SLC25A33: variants seen among roughly 807,000 people sequenced by gnomAD.
SLC25A33 encodes solute carrier family 25 member 33.
SLC25A33 carries 15 observed loss-of-function variants against 35.5 expected under a neutral mutation model. The ratio of observed to expected loss-of-function variants is 0.42; its 90% CI spans 0.28 to 0.65. SLC25A33 has a LOEUF of 0.65. SLC25A33 is among the 30% of genes least tolerant of loss of function. The pLI is 0.20. For synonymous variants in SLC25A33, 136 were observed against 148.7 expected, an observed-to-expected ratio of 0.91 and a Z score of 0.62; for missense variants, 257 against 398.5, an observed-to-expected ratio of 0.64 and a Z score of 3.02.
Position 9,578,153 on chromosome 1 carries a change from C to T in SLC25A33, c.483-1801C>T, listed in dbSNP as rs1195662093. Among the ~76,000 whole-genome samples the T allele has an allele frequency of 6.6e-6, 1 of 152,140 alleles. No individual in the cohort carries two copies. Among genetic ancestry groups the T allele is most frequent in the Non-Finnish European group, 1.5e-5 (1 of 68,038 alleles). On this transcript the variant is annotated intron_variant, in intron 5 of 6. Coordinates refer to ENST00000302692, the MANE Select transcript of SLC25A33 (RefSeq NM_032315.3). This position sits in a 1 kb window ranked among gnomAD's most constrained non-coding sequence, Gnocchi z 4.3. ...CAGGATGGTCTCGATCTCCTGACCTCGTGATCTGCCCACCTCAGCCTCCCA... is the reference window on the plus strand; with the variant it reads ...CAGGATGGTCTCGATCTCCTGACCTTGTGATCTGCCCACCTCAGCCTCCCA...
At chr1:9,569,403 A>G (rs1226238927) in intron 3 of SLC25A33, among the ~76,000 whole-genome samples, 1 of 152,184 alleles carries the variant, frequency 6.6e-6, no homozygotes, top group East Asian at 1.9e-4. Context: ...TTATTCATAG[A>G]TGGGAAACCT....
intron 2 of SLC25A33, among the ~76,000 whole-genome samples, chr1:9,563,840 A>G (rs1643460510): frequency 6.6e-6 from 1 of 151,740 alleles, no homozygotes; most frequent in Non-Finnish European, 1.5e-5. Flanking sequence ...TTGTATTTTT[A>G]GTAGAGACGG....
At chr1:9,543,780 T>C (rs1486206737) in intron 1 of SLC25A33, among the ~76,000 whole-genome samples, 1 of 152,194 alleles carries the variant, frequency 6.6e-6, no homozygotes, top group Non-Finnish European at 1.5e-5. Flanking sequence ...GCCTTTAAAA[T>C]GTATTTTAAT....
chr1:9,579,830 A>G lies in SLC25A33; in HGVS notation c.483-124A>G, dbSNP rs951846524. On this transcript the variant is annotated intron_variant, in intron 5 of 6. Coordinates refer to ENST00000302692, the MANE Select transcript of SLC25A33 (RefSeq NM_032315.3). ...ACGAAAGACAAGGGCTATGAGAGTTAGGAGCCAGGAAACAAGTATCCTAAC... is the reference window on the plus strand; with the variant it reads ...ACGAAAGACAAGGGCTATGAGAGTTGGGAGCCAGGAAACAAGTATCCTAAC... The G allele has an allele frequency of 7.9e-6, 9 of 1,141,896 alleles. No homozygotes were observed. The African/African-American group carries it at 1.1e-4, about 14-fold the overall frequency. The allele number at this position is 1,141,896 out of a possible 1,614,324, so 70.7% of individuals were successfully genotyped here.
chr1:9,575,823 CT>C (rs1299888888), intron 5 of SLC25A33, among the ~76,000 whole-genome samples: 1 of 152,220 alleles, frequency 6.6e-6, no homozygotes, highest in Non-Finnish European at 1.5e-5. Flanking sequence ...TGTTCAGACT[CT>C]TTTGATGAAT....
At chr1:9,566,841 C>T (rs1008752894) in intron 2 of SLC25A33, among the ~76,000 whole-genome samples, 1 of 148,348 alleles carries the variant, frequency 6.7e-6, no homozygotes, top group African/African-American at 2.5e-5. Context: ...AGTGAAACTC[C>T]GTCTAAATAA....
intron 1 of SLC25A33, among the ~76,000 whole-genome samples, chr1:9,546,464 G>A (rs143826291): frequency 0.023 from 3,558 of 152,086 alleles, 141 homozygotes; most frequent in African/African-American, 0.082. Context: ...GATTACAGGC[G>A]TGAGCCACCG....
At chr1:9,569,497 T>C (rs1643559446) in intron 3 of SLC25A33, among the ~76,000 whole-genome samples, 2 of 152,222 alleles carry the variant, frequency 1.3e-5, no homozygotes, top group African/African-American at 4.8e-5. Context: ...GGTAACCTGA[T>C]GCAGATTCCT....
At chr1:9,541,589 C>T (rs1252456734) in intron 1 of SLC25A33, among the ~76,000 whole-genome samples, 2 of 152,130 alleles carry the variant, frequency 1.3e-5, no homozygotes, top group African/African-American at 2.4e-5. Flanking sequence ...CCATGCCCGG[C>T]AGAGACTTCC....
chr1:9,568,111 G>A (rs1240484753), intron 3 of SLC25A33, among the ~76,000 whole-genome samples: 3 of 152,196 alleles, frequency 2.0e-5, no homozygotes, highest in East Asian at 1.9e-4. Context: ...AAGTAACAGA[G>A]ACAGATAGAG....
intron 1 of SLC25A33, among the ~76,000 whole-genome samples, chr1:9,546,717 A>G (rs987062127): frequency 6.6e-6 from 1 of 152,140 alleles, no homozygotes. Context: ...TTCAGTTGCA[A>G]GTAATAGAAG....
rs61741102 is a variant in SLC25A33 at position 9,582,366 on chromosome 1, G to T, written c.831G>T (p.Leu277=). The T allele has an allele frequency of 2.1e-4, 340 of 1,613,848 alleles. 1 individual carries two copies. The highest frequency in any genetic ancestry group is 2.5e-4 in the Admixed American group (15 of 59,994). The change falls in exon 7 of 7, where the codon CTG becomes CTT. Residue 277 remains leucine (L), a synonymous_variant. Coordinates refer to ENST00000302692, the MANE Select transcript of SLC25A33 (RefSeq NM_032315.3). This position sits in a 1 kb window ranked among gnomAD's most constrained non-coding sequence, Gnocchi z 4.0. ...KYKSFVQTAR[L]VFREEGYLAF... ...AGTCTTTTGTCCAGACGGCGCGCCT[G>T]GTGTTCCGGGAAGAAGGCTACCTTG... is the stretch of plus-strand genomic sequence containing the variant.
At chr1:9,574,942 G>C (rs11804156) in intron 5 of SLC25A33, among the ~76,000 whole-genome samples, 1 of 152,216 alleles carries the variant, frequency 6.6e-6, no homozygotes, top group African/African-American at 2.4e-5. Flanking sequence ...GGCCGGGTGC[G>C]GTGGCTCACA....
intron 4 of SLC25A33, among the ~76,000 whole-genome samples, chr1:9,571,355 G>A (rs891197473): frequency 4.6e-5 from 7 of 151,990 alleles, no homozygotes; most frequent in Middle Eastern, 3.2e-3. Flanking sequence ...GTGCAATGGC[G>A]CAATCTCGGC....
At chr1:9,559,103 T>TG (rs1306745505) in intron 2 of SLC25A33, among the ~76,000 whole-genome samples, 7 of 152,214 alleles carry the variant, frequency 4.6e-5, no homozygotes, top group Non-Finnish European at 8.8e-5. Context: ...GTCATCACCT[T>TG]GCAGGAAGAC....
chr1:9,551,292 G>T (rs1268792393), intron 1 of SLC25A33, among the ~76,000 whole-genome samples: 1 of 152,148 alleles, frequency 6.6e-6, no homozygotes, highest in Admixed American at 6.6e-5. Flanking sequence ...ACAATTGCTT[G>T]AATCCAGGAG....
At chr1:9,574,565 G>A (rs1280090886) in intron 5 of SLC25A33, among the ~76,000 whole-genome samples, 8 of 152,198 alleles carry the variant, frequency 5.3e-5, no homozygotes, top group Non-Finnish European at 1.2e-4. Flanking sequence ...ATTTCTGTGT[G>A]TGTCAAATCA....
In SLC25A33 at chr1:9,549,992, T is replaced by TATATAC. The variant is rs1245031783; in HGVS notation, c.57-3631_57-3630insTACATA. 8.9e-3 allele frequency among the ~76,000 whole-genome samples: 891 copies of TATATAC among 99,658 alleles called. 45 individuals carry two copies. Among genetic ancestry groups the TATATAC allele is most frequent in the African/African-American group, 0.041 (851 of 20,656 alleles). 65.4% of individuals were successfully genotyped at this position (99,658 alleles called of 152,430 possible). The stretch of plus-strand genomic sequence containing the variant: ...TCTATATATGTATATATATTTTTTC[T>TATATAC]ATACATATATATATATATATTTTTT... On this transcript the variant is annotated intron_variant, in intron 1 of 6. Transcript: ENST00000302692.
intron 2 of SLC25A33, among the ~76,000 whole-genome samples, chr1:9,558,591 T>TTAGAGGCAGCTCCATCTTTCCAGC (rs1553146203): frequency 6.6e-6 from 1 of 152,194 alleles, no homozygotes; most frequent in South Asian, 2.1e-4. Context: ...CCTGTCTCTG[T>TTAGAGGCAGCTCCATCTTTCCAGC]TAGAGGCAGC....
Sources: gnomAD v4.1 joint callset for allele counts (sites outside exome capture counted in the v4.1 genomes callset) on GRCh38, gnomAD v4.1.1 for gene constraint, Gnocchi (gnomAD v3.1) non-coding constraint, MANE v1.5 for transcripts, NCBI Gene and HGNC (gene_info 2026-07-23, HGNC 2026-07-21) for gene names.